TP53BP2: variants seen among roughly 807,000 people sequenced by gnomAD.
TP53BP2 encodes tumor protein p53 binding protein 2, also known as apoptosis-stimulating of p53 protein 2.
A neutral mutation model predicts 126.2 loss-of-function variants in TP53BP2; 62 were observed. That is an observed-to-expected ratio of 0.49 (90% CI 0.40 to 0.61). The LOEUF (loss-of-function observed/expected upper bound fraction) is 0.61, where lower values mean the gene tolerates loss of function less well. TP53BP2 is among the 20% of genes least tolerant of loss of function. The pLI is 0.00. For synonymous variants in TP53BP2, 485 were observed against 502.9 expected, an observed-to-expected ratio of 0.96 and a Z score of 0.48; for missense variants, 1,215 against 1,402.8, an observed-to-expected ratio of 0.87 and a Z score of 2.14.
In TP53BP2 at chr1:223,806,897, T is replaced by C. The variant is rs764316574; in HGVS notation, c.423A>G (p.Ala141=). 4 of 1,613,986 alleles carry C rather than the reference T, an allele frequency of 2.5e-6. No individual in the cohort carries two copies. The highest frequency in any genetic ancestry group is 1.7e-5 in the Admixed American group (1 of 60,006). The change falls in exon 5 of 18, where the codon GCA becomes GCG. Residue 141 remains alanine, a synonymous_variant. Coordinates refer to ENST00000343537, the MANE Select transcript of TP53BP2 (RefSeq NM_001031685.3). ...DLTLAELQEM[A]SRQQQQIEAQ... ...CTTCAATCTGTTGCTGCTGGCGAGA[T>C]GCCATTTCCTGAAGTTCAGCAAGAG...
Position 223,800,762 on chromosome 1 carries a change from T to C in TP53BP2, c.1274A>G (p.Asp425Gly). Residue 425 changes from aspartate to glycine, a missense_variant, in exon 10 of 18, where the codon GAT becomes GGT. Physicochemically the swap from Asp to Gly is moderately conservative, Grantham distance 94. Around this residue, in one of 4 missense-constraint regions of TP53BP2, gnomAD observed 814 missense variants for 853.0 expected, o/e 0.95. Coordinates refer to ENST00000343537, the MANE Select transcript of TP53BP2 (RefSeq NM_001031685.3). Reference sequence around the variant, plus strand: ...AGCAGAGCCTTGGCTTGGGAAAAGATCTGCATTTGAAGGACTCCAATCAGG... The same window carrying C: ...AGCAGAGCCTTGGCTTGGGAAAAGACCTGCATTTGAAGGACTCCAATCAGG... ...VGPDWSPSNA[D>G]LFPSQGSASV... The C allele has an allele frequency of 6.2e-7, 1 of 1,611,258 alleles. No homozygotes were observed. Among genetic ancestry groups the C allele is most frequent in the Non-Finnish European group, 8.5e-7 (1 of 1,179,394 alleles).
At chr1:223,802,647 TGAA>T in intron 8 of TP53BP2, 81 bp downstream of exon 8, 3 of 1,480,964 alleles carry the variant, frequency 2.0e-6, no homozygotes, top group Non-Finnish European at 2.8e-6. Context: ...GTAATGATTC[TGAA>T]GAAGATGCCT....
chr1:223,841,141 G>T (rs751683484), intron 1 of TP53BP2, among the ~76,000 whole-genome samples: 2 of 152,160 alleles, frequency 1.3e-5, no homozygotes, highest in Non-Finnish European at 2.9e-5. Flanking sequence ...TACTCGGGAG[G>T]CTGAGGCACA....
chr1:223,798,771 C>G, intron 11 of TP53BP2, 94 bp from the exon 12 acceptor site: 1 of 1,112,316 alleles, frequency 9.0e-7, no homozygotes, highest in South Asian at 1.6e-5. Context: ...TAAATATACA[C>G]TATAAAAATA....
Position 223,802,360 on chromosome 1 carries a change from C to A in TP53BP2, c.997-16G>T. On this transcript the variant is annotated splice_polypyrimidine_tract_variant and intron_variant, in intron 8 of 17. Transcript: ENST00000343537. ...CAGATGAAACCTTAGGAAAGAAGCA[C>A]AGGTCCTTTAGTATTAAAAATCATC... 6.2e-7 allele frequency: 1 copy of A among 1,609,060 alleles called. No individual in the cohort carries two copies. Among genetic ancestry groups the A allele is most frequent in the South Asian group, 1.1e-5 (1 of 90,766 alleles).
chr1:223,834,229 T>C (rs946163043), intron 1 of TP53BP2, among the ~76,000 whole-genome samples: 1 of 152,142 alleles, frequency 6.6e-6, no homozygotes, highest in African/African-American at 2.4e-5. Context: ...ATTTACAACA[T>C]GCAATTCTCA....
chr1:223,799,894 G>C lies in TP53BP2; in HGVS notation c.1485+5C>G. 6.4e-7 allele frequency: 1 copy of C among 1,567,670 alleles called. No individual in the cohort carries two copies. The highest frequency in any genetic ancestry group is 8.6e-7 in the Non-Finnish European group (1 of 1,164,562). ...AATTTTAAAAACCAGGATATTTGTA[G>C]GTACCTGAGCATCCCGCAAGATATC... On this transcript the variant is annotated splice_donor_5th_base_variant and intron_variant, in intron 11 of 17. Coordinates refer to ENST00000343537, the MANE Select transcript of TP53BP2 (RefSeq NM_001031685.3).
intron 3 of TP53BP2, among the ~76,000 whole-genome samples, chr1:223,813,546 T>C (rs1662985106): frequency 6.6e-6 from 1 of 151,978 alleles, no homozygotes; most frequent in East Asian, 1.9e-4. Context: ...AATACCCTCT[T>C]CTCCCCTGTC....
chr1:223,814,089 T>C (rs1379628978), intron 3 of TP53BP2, 151 bp downstream of exon 3: 1 of 593,098 alleles, frequency 1.7e-6, no homozygotes, highest in Non-Finnish European at 3.0e-6. Context: ...ATAGTCAAAC[T>C]TCTCCCCTCG....
intron 1 of TP53BP2, among the ~76,000 whole-genome samples, chr1:223,841,452 G>A (rs1187926502): frequency 3.3e-5 from 5 of 152,186 alleles, no homozygotes; most frequent in East Asian, 1.9e-4. Context: ...TTCAGACCAT[G>A]ATATAATCAT....
chr1:223,792,049 C>T (rs942475003), intron 15 of TP53BP2, among the ~76,000 whole-genome samples: 3 of 152,128 alleles, frequency 2.0e-5, no homozygotes, highest in Non-Finnish European at 4.4e-5. Flanking sequence ...GAAGACTGAA[C>T]CATTTCAGGG....
At chr1:223,813,787 G>T (rs573792861) in intron 3 of TP53BP2, among the ~76,000 whole-genome samples, 1 of 151,874 alleles carries the variant, frequency 6.6e-6, no homozygotes, top group South Asian at 2.1e-4. Flanking sequence ...CTCCAAAACA[G>T]CTCCAGCTTC....
intron 1 of TP53BP2, among the ~76,000 whole-genome samples, chr1:223,840,045 A>G (rs1200811994): frequency 1.3e-5 from 2 of 152,250 alleles, no homozygotes; most frequent in Admixed American, 1.3e-4. Context: ...GTTTTCGAGT[A>G]TATTTTATGT....
At chr1:223,827,079 CACCT>C (rs1186613838) in intron 1 of TP53BP2, among the ~76,000 whole-genome samples, 1 of 152,104 alleles carries the variant, frequency 6.6e-6, no homozygotes, top group Non-Finnish European at 1.5e-5. Flanking sequence ...AAATATGAGA[CACCT>C]ATGGAACATT....
At chr1:223,826,530 G>A (rs1289186188) in intron 1 of TP53BP2, among the ~76,000 whole-genome samples, 3 of 152,200 alleles carry the variant, frequency 2.0e-5, no homozygotes, top group African/African-American at 7.2e-5. Flanking sequence ...GTCAGGAGCT[G>A]CGGGAAGGGG....
chr1:223,821,520 C>CT lies in TP53BP2; in HGVS notation c.28-154dup. ...CACCCGGCCAAAGGTGAGGTGTGGA[C>CT]TGGGGGTTGAGGGAGACCTGGAGCC... On this transcript the variant is annotated intron_variant, in intron 1 of 17. Transcript: ENST00000343537. The CT allele has an allele frequency of 5.8e-6, 6 of 1,038,076 alleles. 1 individual carries two copies. In the South Asian group the frequency reaches 7.6e-5, roughly 13 times the overall value. 64.3% of individuals were successfully genotyped at this position (1,038,076 alleles called of 1,614,324 possible).
At chr1:223,830,132 T>A (rs1392991677) in intron 1 of TP53BP2, among the ~76,000 whole-genome samples, 2 of 152,168 alleles carry the variant, frequency 1.3e-5, no homozygotes, top group African/African-American at 4.8e-5. Context: ...AGGTTGAGTA[T>A]CCCCTATCTG....
At chr1:223,801,475 T>C (rs1326847926) in intron 9 of TP53BP2, among the ~76,000 whole-genome samples, 5 of 152,210 alleles carry the variant, frequency 3.3e-5, no homozygotes, top group Non-Finnish European at 5.9e-5. Flanking sequence ...GGGGTCTGAA[T>C]GATAAGGTCA....
intron 1 of TP53BP2, among the ~76,000 whole-genome samples, chr1:223,834,662 G>A (rs1457627959): frequency 2.6e-5 from 4 of 151,910 alleles, no homozygotes; most frequent in East Asian, 3.9e-4. Flanking sequence ...TTATAGCCTC[G>A]AGTCACCAAA....
Sources: allele counts gnomAD v4.1 joint callset (sites outside exome capture counted in the v4.1 genomes callset), GRCh38; gene constraint gnomAD v4.1.1; regional missense constraint gnomAD v4.1.1; transcripts MANE v1.5; gene names NCBI Gene and HGNC (gene_info 2026-07-23, HGNC 2026-07-21).